The following LIFR variants were observed in gnomAD, a reference collection of about 807,000 sequenced individuals.
LIFR encodes LIF receptor subunit alpha, also known as leukemia inhibitory factor receptor.
A neutral mutation model predicts 122.2 loss-of-function variants in LIFR; 84 were observed. The ratio of observed to expected loss-of-function variants is 0.69; its 90% CI spans 0.58 to 0.82. LIFR has a LOEUF of 0.82. LIFR is among the 40% of genes least tolerant of loss of function. The pLI is 0.00. For missense variants in LIFR, 1,294 were observed against 1,311.6 expected (o/e 0.99, Z 0.21); for synonymous variants, 422 against 434.7 (o/e 0.97, Z 0.36).
rs147889178 is a variant in LIFR at position 38,493,210 on chromosome 5, T to C, written c.2065+396A>G. Among the ~76,000 whole-genome samples the C allele has an allele frequency of 4.9e-3, 746 of 151,754 alleles. 15 individuals are homozygous for C. Among genetic ancestry groups the C allele is most frequent in the Admixed American group, 0.042 (643 of 15,276 alleles). ...TGTGTGAGACCAGGCTACAGTTCCG[T>C]AGTTTTTTTTTTTCATGAACATTTA... On this transcript the variant is annotated intron_variant, in intron 14 of 19. Transcript: ENST00000453190.
chr5:38,489,712 G>A (rs904991073), intron 15 of LIFR, among the ~76,000 whole-genome samples: 1 of 151,912 alleles, frequency 6.6e-6, no homozygotes, highest in Non-Finnish European at 1.5e-5. Flanking sequence ...GAGTAAGCAG[G>A]CCCAGTGCAG....
chr5:38,477,310 T>C lies in LIFR; in HGVS notation c.*4285A>G, dbSNP rs1743770864. ...TCTAAGGCTAAGTCTAAAAGATGAA[T>C]GTTCTGTAACTTTGGCCATAAATCA... On this transcript the variant is annotated 3_prime_UTR_variant, in exon 20 of 20. Transcript: ENST00000453190. 4.6e-6 allele frequency: 1 copy of C among 219,706 alleles called. No homozygotes were observed. The highest frequency in any genetic ancestry group is 6.8e-5 in the East Asian group (1 of 14,788). 13.6% of individuals were successfully genotyped at this position (219,706 alleles called of 1,614,324 possible). A position where few individuals can be genotyped will look rare whatever the true frequency, so the allele number is the denominator to read the frequency against.
At chr5:38,553,897 CTAAG>C (rs1223935086) in intron 1 of LIFR, among the ~76,000 whole-genome samples, 3 of 151,458 alleles carry the variant, frequency 2.0e-5, no homozygotes, top group Admixed American at 2.0e-4. Context: ...AAAGCAAGAG[CTAAG>C]TATGTTTTAA....
chr5:38,489,830 C>CAAAA (rs35145667), intron 15 of LIFR, among the ~76,000 whole-genome samples: 1 of 116,946 alleles, frequency 8.6e-6, no homozygotes, highest in East Asian at 2.3e-4. Context: ...CTCATCTCTA[C>CAAAA]AAAAAAAAAA....
chr5:38,484,790 T>C lies in LIFR; in HGVS notation c.2576A>G (p.Tyr859Cys), dbSNP rs758749840. The C allele has an allele frequency of 3.7e-6, 6 of 1,611,554 alleles. No homozygotes were observed. Among genetic ancestry groups the C allele is most frequent in the Middle Eastern group, 1.6e-4 (1 of 6,082 alleles). The change falls in exon 18 of 20, where the codon TAT (tyrosine) becomes TGT (cysteine). Residue 859 changes from tyrosine (Y) to cysteine (C), a missense_variant. Coordinates refer to ENST00000453190, the MANE Select transcript of LIFR (RefSeq NM_001127671.2). ...IVGVVTSILC[Y>C]RKREWIKETF... The stretch of plus-strand genomic sequence containing the variant: ...GAACTATTACCATTCTCGTTTCCGA[T>C]AGCAAAGGATACTTGTCACCACTCC...
chr5:38,487,922 A>G (rs767327166), intron 16 of LIFR, among the ~76,000 whole-genome samples: 13 of 152,136 alleles, frequency 8.5e-5, no homozygotes, highest in Admixed American at 2.0e-4. Flanking sequence ...AGATTTCACA[A>G]TCTTCCACTC....
At chr5:38,562,653 A>G (rs1748879818) in intron 1 of LIFR, among the ~76,000 whole-genome samples, 1 of 152,218 alleles carries the variant, frequency 6.6e-6, no homozygotes, top group Admixed American at 6.5e-5. Context: ...AAGAAGCCAA[A>G]AGATTAAGGG....
At chr5:38,572,181 A>G (rs1045451533) in intron 1 of LIFR, among the ~76,000 whole-genome samples, 1 of 152,206 alleles carries the variant, frequency 6.6e-6, no homozygotes, top group Non-Finnish European at 1.5e-5. Flanking sequence ...TTGGCTCACA[A>G]TTCTGCAGGC....
At position 38,482,380 on chromosome 5, in the gene LIFR, A is replaced by T. The variant is rs573391870; in HGVS notation, c.2671-162T>A. On this transcript the variant is annotated intron_variant, in intron 19 of 19. Coordinates refer to ENST00000453190, the MANE Select transcript of LIFR (RefSeq NM_001127671.2). Reference sequence around the variant, plus strand: ...CACAGCCACTTTTTTCTTCCGTATCAGTATTTTCCTTGTTATTAATACTTG... The same window carrying T: ...CACAGCCACTTTTTTCTTCCGTATCTGTATTTTCCTTGTTATTAATACTTG... Among the ~76,000 whole-genome samples, 1,931 of 152,240 alleles carry T rather than the reference A, an allele frequency of 0.013. 47 individuals are homozygous for T. Among genetic ancestry groups the T allele is most frequent in the African/African-American group, 0.042 (1,747 of 41,518 alleles).
chr5:38,580,738 C>T lies in LIFR; in HGVS notation c.-20+14523G>A, dbSNP rs532079787. Among the ~76,000 whole-genome samples, 331 of 152,286 alleles carry T rather than the reference C, an allele frequency of 2.2e-3. 2 individuals are homozygous for T. Among genetic ancestry groups the T allele is most frequent in the Non-Finnish European group, 3.6e-3 (243 of 68,030 alleles). ...TTTCCCTCGTTCCAATTCATTGCTT[C>T]AGCACCAATTGAGCCTCTTCAGTAA... On this transcript the variant is annotated intron_variant, in intron 1 of 19. Coordinates refer to the LIFR transcript ENST00000263409.
chr5:38,521,160 T>C (rs62355816), intron 5 of LIFR, among the ~76,000 whole-genome samples: 5,782 of 152,280 alleles, frequency 0.038, 167 homozygotes, highest in Middle Eastern at 0.099. Flanking sequence ...TGGTTAAATT[T>C]ATTCCTAGGT....
chr5:38,561,771 A>G (rs919691090), intron 1 of LIFR, among the ~76,000 whole-genome samples: 6 of 152,228 alleles, frequency 3.9e-5, no homozygotes, highest in African/African-American at 1.4e-4. Flanking sequence ...AGTAAAGCTT[A>G]GAGAATTATG....
intron 7 of LIFR, among the ~76,000 whole-genome samples, chr5:38,509,308 T>C (rs1442362289): frequency 1.3e-5 from 2 of 152,210 alleles, no homozygotes; most frequent in African/African-American, 4.8e-5. Context: ...ATGTTGCAAG[T>C]AATTTCCTAA....
At chr5:38,510,749 T>G (rs766306381) in intron 6 of LIFR, 31 bp from the exon 7 acceptor site, 1 of 1,569,188 alleles carries the variant, frequency 6.4e-7, no homozygotes, top group Non-Finnish European at 8.7e-7. Flanking sequence ...TATAAACATT[T>G]TATATAGAAG....
rs1579983131 is a variant in LIFR, at chr5:38,477,029, T to C, written c.*4566A>G. The C allele has an allele frequency of 1.3e-5, 3 of 224,614 alleles. No individual in the cohort carries two copies. The East Asian group carries it at 1.9e-4, about 15-fold the overall frequency. 13.9% of individuals were successfully genotyped at this position (224,614 alleles called of 1,614,324 possible). On this transcript the variant is annotated 3_prime_UTR_variant, in exon 20 of 20. Transcript: ENST00000453190. ...AGACCAAATCACACTCCCTGAAACA[T>C]TACCATGTACAATAAAGCCTGAAAT...
intron 1 of LIFR, among the ~76,000 whole-genome samples, chr5:38,574,949 A>G (rs1195101931): frequency 6.6e-6 from 1 of 152,174 alleles, no homozygotes; most frequent in Non-Finnish European, 1.5e-5. Context: ...ACACCTACGT[A>G]TATACTCAAC....
At chr5:38,513,156 G>A (rs1745891226) in intron 5 of LIFR, among the ~76,000 whole-genome samples, 1 of 152,112 alleles carries the variant, frequency 6.6e-6, no homozygotes, top group South Asian at 2.1e-4. Flanking sequence ...TTTTAAAGGT[G>A]TGAATGGACA....
chr5:38,520,418 T>C (rs892250705), intron 5 of LIFR, among the ~76,000 whole-genome samples: 16 of 152,228 alleles, frequency 1.1e-4, no homozygotes, highest in African/African-American at 3.1e-4. Flanking sequence ...CAACCGTCTC[T>C]TCACTCCACT....
intron 17 of LIFR, among the ~76,000 whole-genome samples, 166 bp from the exon 18 acceptor site, chr5:38,485,034 G>A (rs1218256984): frequency 6.6e-6 from 1 of 152,208 alleles, no homozygotes; most frequent in East Asian, 1.9e-4. Flanking sequence ...CAGGTATTGT[G>A]ATAATTTTTA....
Sources: allele counts gnomAD v4.1 joint callset (sites outside exome capture counted in the v4.1 genomes callset), GRCh38; gene constraint gnomAD v4.1.1; transcripts MANE v1.5; gene names NCBI Gene and HGNC (gene_info 2026-07-23, HGNC 2026-07-21).